SPATA6: variants seen among roughly 807,000 people sequenced by gnomAD.
SPATA6 encodes spermatogenesis associated 6.
A neutral mutation model predicts 65.3 loss-of-function variants in SPATA6; 56 were observed. The ratio of observed to expected loss-of-function variants is 0.86; its 90% confidence interval spans 0.69 to 1.07. The LOEUF (loss-of-function observed/expected upper bound fraction) is 1.07, where lower values mean the gene tolerates loss of function less well. SPATA6 is among the 50% of genes least tolerant of loss of function. The probability of loss-of-function intolerance (pLI) is 0.00; values close to 1 mark genes in which losing one functional copy is unlikely to be tolerated. For missense variants in SPATA6, 590 were observed against 594.8 expected (o/e 0.99, Z 0.08); for synonymous variants, 199 against 213.2 (o/e 0.93, Z 0.58).
intron 9 of SPATA6, among the ~76,000 whole-genome samples, chr1:48,381,461 A>T (rs1055294434): frequency 2.6e-5 from 4 of 151,808 alleles, no homozygotes; most frequent in African/African-American, 9.7e-5. Flanking sequence ...TGTGTCCCTA[A>T]ACAGTGCCTT....
At chr1:48,366,176 T>G (rs1163321316) in intron 9 of SPATA6, among the ~76,000 whole-genome samples, 3 of 152,186 alleles carry the variant, frequency 2.0e-5, no homozygotes, top group Non-Finnish European at 2.9e-5. Flanking sequence ...CTTTTTGATG[T>G]GCTGCTGGAT....
intron 9 of SPATA6, among the ~76,000 whole-genome samples, chr1:48,363,518 AAGTGAAAACACT>A (rs1202805007): frequency 6.6e-6 from 1 of 152,174 alleles, no homozygotes; most frequent in Non-Finnish European, 1.5e-5. Flanking sequence ...AATGAAAGGA[AAGTGAAAACACT>A]AGTGGAGAGC....
At position 48,376,884 on chromosome 1, in the gene SPATA6, G is replaced by A. The variant is rs142360638; in HGVS notation, c.909+8425C>T. Among the ~76,000 whole-genome samples, 38 of 152,230 alleles carry A rather than the reference G, an allele frequency of 2.5e-4. No homozygotes were observed. The East Asian group carries it at 6.9e-3, about 28-fold the overall frequency. Reference sequence around the variant, plus strand: ...AATTTTAACAGAATGATAAGGATTTGTATATCAGACCTAAACATAGAAAAA... The same window carrying A: ...AATTTTAACAGAATGATAAGGATTTATATATCAGACCTAAACATAGAAAAA... On this transcript the variant is annotated intron_variant, in intron 9 of 12. Coordinates refer to ENST00000371847, the MANE Select transcript of SPATA6 (RefSeq NM_019073.4).
At chr1:48,315,584 T>C (rs1237509646) in intron 11 of SPATA6, among the ~76,000 whole-genome samples, 1 of 152,142 alleles carries the variant, frequency 6.6e-6, no homozygotes, top group East Asian at 1.9e-4. Flanking sequence ...GCCAATATCA[T>C]ACTGAATGGG....
chr1:48,421,705 G>A (rs1653357153), intron 3 of SPATA6, among the ~76,000 whole-genome samples: 1 of 151,974 alleles, frequency 6.6e-6, no homozygotes, highest in Non-Finnish European at 1.5e-5. Context: ...CAAATTGGGT[G>A]AAGAATCTTA....
intron 3 of SPATA6, among the ~76,000 whole-genome samples, chr1:48,445,477 G>A (rs1655938836): frequency 1.3e-5 from 2 of 151,864 alleles, no homozygotes; most frequent in South Asian, 2.1e-4. Flanking sequence ...TGGCTAACAT[G>A]GTAAAACCCC....
downstream of SPATA6, among the ~76,000 whole-genome samples, chr1:48,291,854 A>G (rs1214666271): frequency 1.3e-5 from 2 of 152,166 alleles, no homozygotes; most frequent in Non-Finnish European, 2.9e-5. Context: ...TTGAAGTGGG[A>G]GGTCCAAGTT....
At chr1:48,307,608 T>C (rs1645093841) in intron 11 of SPATA6, among the ~76,000 whole-genome samples, 1 of 151,364 alleles carries the variant, frequency 6.6e-6, no homozygotes, top group Non-Finnish European at 1.5e-5. Flanking sequence ...CATGTGGAAA[T>C]TTTAAGTAAT....
chr1:48,417,117 T>G (rs1196494460), intron 3 of SPATA6, among the ~76,000 whole-genome samples: 2 of 152,102 alleles, frequency 1.3e-5, no homozygotes, highest in African/African-American at 4.8e-5. Flanking sequence ...GCAATAAAAA[T>G]AAATTAAAAG....
At chr1:48,365,345 A>G (rs74320445) in intron 9 of SPATA6, among the ~76,000 whole-genome samples, 64,862 of 151,966 alleles carry the variant, frequency 0.43, 14,962 homozygotes, top group African/African-American at 0.62. Context: ...GAAAGTCATT[A>G]GCAGCTTGAT....
chr1:48,365,333 A>C (rs1474851524), intron 9 of SPATA6, among the ~76,000 whole-genome samples: 2 of 152,200 alleles, frequency 1.3e-5, no homozygotes, highest in Non-Finnish European at 2.9e-5. Context: ...CAATTCTATG[A>C]AGAAAGTCAT....
At chr1:48,455,354 T>C (rs1206570751) in intron 1 of SPATA6, among the ~76,000 whole-genome samples, 1 of 152,096 alleles carries the variant, frequency 6.6e-6, no homozygotes, top group Admixed American at 6.6e-5. Context: ...AAATAAAACA[T>C]ATTATTACTT....
intron 3 of SPATA6, among the ~76,000 whole-genome samples, chr1:48,448,474 T>C (rs1402024141): frequency 6.7e-6 from 1 of 149,718 alleles, no homozygotes; most frequent in African/African-American, 2.4e-5. Flanking sequence ...CAAACAAGTT[T>C]ATTCAGTGTC....
chr1:48,325,407 C>T (rs1570128416), intron 11 of SPATA6: 1 of 1,369,480 alleles, frequency 7.3e-7, no homozygotes, highest in Non-Finnish European at 1.0e-6. Context: ...GGAGCCAGGG[C>T]CCTCCCCCAG....
intron 8 of SPATA6, among the ~76,000 whole-genome samples, chr1:48,386,524 G>A (rs780687582): frequency 6.6e-6 from 1 of 152,128 alleles, no homozygotes; most frequent in Non-Finnish European, 1.5e-5. Context: ...AGAGAATACT[G>A]GAATTCAAAA....
chr1:48,451,058 T>C (rs1656519995), intron 3 of SPATA6, among the ~76,000 whole-genome samples: 1 of 152,220 alleles, frequency 6.6e-6, no homozygotes, highest in South Asian at 2.1e-4. Context: ...AGAATTTACT[T>C]GTTATGCAGA....
chr1:48,277,209 C>G, the SPATA6 span, among the ~76,000 whole-genome samples: 8 of 151,756 alleles, frequency 5.3e-5, no homozygotes, highest in Non-Finnish European at 1.0e-4. Flanking sequence ...CCAAGATGGC[C>G]AAATAGGAAC....
At chr1:48,347,854 C>G (rs1008443897) in intron 11 of SPATA6, among the ~76,000 whole-genome samples, 1 of 151,910 alleles carries the variant, frequency 6.6e-6, no homozygotes, top group Non-Finnish European at 1.5e-5. Context: ...GTCCTGCAAC[C>G]CCTCCCTGGA....
At chr1:48,291,576 C>T (rs1644768181), downstream of SPATA6, among the ~76,000 whole-genome samples, 1 of 151,116 alleles carries the variant, frequency 6.6e-6, no homozygotes, top group African/African-American at 2.5e-5. Context: ...TGGTCTCACT[C>T]CCTCTGTGCC....
Sources: gnomAD v4.1 joint callset for allele counts (sites outside exome capture counted in the v4.1 genomes callset) on GRCh38, gnomAD v4.1.1 for gene constraint, MANE v1.5 for transcripts, NCBI Gene and HGNC (gene_info 2026-07-23, HGNC 2026-07-21) for gene names.